The following IFT74 variants were observed in gnomAD, a reference collection of about 807,000 sequenced individuals.
IFT74 encodes the protein intraflagellar transport protein 74 homolog.
A neutral mutation model predicts 96.7 loss-of-function variants in IFT74; 92 were observed. The observed-to-expected ratio is 0.95, with a 90% CI of 0.80 to 1.13. IFT74 has a LOEUF of 1.13. Ranked by LOEUF, IFT74 falls within the 50% of genes most tolerant of loss-of-function variation. IFT74 has a pLI of 0.00. For missense variants in IFT74, 811 were observed against 698.2 expected, an observed-to-expected ratio of 1.16 and a Z score of -1.82; for synonymous variants, 223 against 213.2, an observed-to-expected ratio of 1.05 and a Z score of -0.40.
intron 12 of IFT74, among the ~76,000 whole-genome samples, chr9:27,022,388 G>T (rs1829651588): frequency 6.6e-6 from 1 of 151,930 alleles, no homozygotes; most frequent in African/African-American, 2.4e-5. Flanking sequence ...GGTGAAATGG[G>T]AATTGCATTG....
At chr9:27,048,963 C>T (rs148562704) in intron 16 of IFT74, among the ~76,000 whole-genome samples, 53 of 152,168 alleles carry the variant, frequency 3.5e-4, no homozygotes, top group African/African-American at 1.3e-3. Context: ...ATGTTTGGGT[C>T]ATGGGGGCGG....
chr9:26,991,299 C>T (rs1449165436), intron 8 of IFT74, among the ~76,000 whole-genome samples: 2 of 152,180 alleles, frequency 1.3e-5, no homozygotes, highest in Non-Finnish European at 2.9e-5. Context: ...TCATGGCTCA[C>T]TGCAGCCTTG....
chr9:26,999,325 T>TA (rs965634188), intron 8 of IFT74, among the ~76,000 whole-genome samples: 4 of 151,952 alleles, frequency 2.6e-5, no homozygotes, highest in African/African-American at 7.2e-5. Flanking sequence ...ATGTGCTTTT[T>TA]AAAAAAAAGT....
Position 27,061,904 on chromosome 9 carries a change from G to A in IFT74, c.1685-714G>A, listed in dbSNP as rs182041153. On this transcript the variant is annotated intron_variant, in intron 19 of 19. Transcript: ENST00000380062. ...TTTACTTTTAGTTTGATTACAGGAG[G>A]CAGCAAGCAGCTGTTGAGAACATGT... Among the ~76,000 whole-genome samples, 425 of 152,196 alleles carry A rather than the reference G, an allele frequency of 2.8e-3. 1 individual carries two copies. The highest frequency in any genetic ancestry group is 4.7e-3 in the Non-Finnish European group (320 of 68,008).
chr9:27,031,934 C>T (rs749630198), intron 13 of IFT74, among the ~76,000 whole-genome samples: 99 of 152,156 alleles, frequency 6.5e-4, no homozygotes, highest in Middle Eastern at 3.4e-3. Flanking sequence ...CTGATCTCAA[C>T]GTGCTTGGCT....
chr9:27,035,812 T>C (rs1230044403), intron 13 of IFT74, among the ~76,000 whole-genome samples: 1 of 152,234 alleles, frequency 6.6e-6, no homozygotes. Context: ...AAGTGCCTCC[T>C]GTCTTTAGAA....
intron 6 of IFT74, among the ~76,000 whole-genome samples, 176 bp downstream of exon 6, chr9:26,984,735 T>C (rs549478100): frequency 6.6e-6 from 1 of 152,206 alleles, no homozygotes; most frequent in African/African-American, 2.4e-5. Flanking sequence ...ATTAGGGAAA[T>C]GCAAATCAAA....
At chr9:26,953,547 T>C (rs1371877323), upstream of IFT74, among the ~76,000 whole-genome samples, 1 of 152,240 alleles carries the variant, frequency 6.6e-6, no homozygotes, top group African/African-American at 2.4e-5. Flanking sequence ...CTCCTACCAG[T>C]GTATCCAAAA....
intron 8 of IFT74, among the ~76,000 whole-genome samples, chr9:27,000,345 A>T (rs922647738): frequency 6.6e-6 from 1 of 152,218 alleles, no homozygotes; most frequent in Non-Finnish European, 1.5e-5. Context: ...AGGAAAACGT[A>T]TATTTATGCA....
At chr9:26,999,232 C>G (rs534700494) in intron 8 of IFT74, among the ~76,000 whole-genome samples, 1 of 151,988 alleles carries the variant, frequency 6.6e-6, no homozygotes, top group Non-Finnish European at 1.5e-5. Context: ...ATAAATAGAA[C>G]TAAGAATAGT....
At chr9:26,980,728 A>G in intron 4 of IFT74, 109 bp downstream of exon 4, 1 of 641,988 alleles carries the variant, frequency 1.6e-6, no homozygotes, top group Admixed American at 3.2e-5. Flanking sequence ...GGCACTTATT[A>G]GGATAATTAG....
chr9:26,967,111 A>AT (rs1232590384), intron 2 of IFT74, among the ~76,000 whole-genome samples: 126 of 142,232 alleles, frequency 8.9e-4, no homozygotes, highest in Admixed American at 2.2e-3. Context: ...AAATTTTAGG[A>AT]TTTTTTTTTC....
In IFT74 at chr9:27,030,420, T is replaced by G. The variant is rs113474834; in HGVS notation, c.1054+1316T>G. Among the ~76,000 whole-genome samples the G allele has an allele frequency of 4.6e-3, 696 of 151,844 alleles. 5 individuals are homozygous for G. Among genetic ancestry groups the G allele is most frequent in the African/African-American group, 0.016 (651 of 41,418 alleles). The stretch of plus-strand genomic sequence containing the variant: ...GTTTTAAATTTTTAGTAGTGGCGCA[T>G]GCCTGTAATCTCAGCTACTTGGGAG... On this transcript the variant is annotated intron_variant, in intron 13 of 19. Transcript: ENST00000380062.
chr9:26,948,897 A>G (rs1319114887), intron 1 of IFT74, among the ~76,000 whole-genome samples: 3 of 151,932 alleles, frequency 2.0e-5, no homozygotes, highest in Non-Finnish European at 2.9e-5. Flanking sequence ...CCCTGAACAC[A>G]TTATGCTGTA....
intron 16 of IFT74, among the ~76,000 whole-genome samples, chr9:27,050,547 GGT>G (rs532431748): frequency 6.6e-5 from 10 of 152,088 alleles, no homozygotes; most frequent in Non-Finnish European, 1.3e-4. Context: ...TCTTTATGCT[GGT>G]GTGTTGCAGC....
chr9:26,978,297 C>A, intron 3 of IFT74, 34 bp downstream of exon 3: 1 of 1,594,972 alleles, frequency 6.3e-7, no homozygotes. Flanking sequence ...ACACTTGGGC[C>A]TGTGTTTTGT....
rs544488948 is a variant in IFT74, at chr9:26,986,390, G to A, written c.465+1831G>A. On this transcript the variant is annotated intron_variant, in intron 6 of 19. Transcript: ENST00000380062. ...GAATGCAGTGGCTCAATCATGGCTCGCTGCAGCCTAGACTTTCTGAGCTCA... is the reference window on the plus strand; with the variant it reads ...GAATGCAGTGGCTCAATCATGGCTCACTGCAGCCTAGACTTTCTGAGCTCA... Among the ~76,000 whole-genome samples, 6 of 150,250 alleles carry A rather than the reference G, an allele frequency of 4.0e-5. No homozygotes were observed. The South Asian group carries it at 6.3e-4, about 16-fold the overall frequency.
At chr9:27,031,622 T>G (rs1341229559) in intron 13 of IFT74, among the ~76,000 whole-genome samples, 2 of 146,686 alleles carry the variant, frequency 1.4e-5, no homozygotes, top group African/African-American at 2.5e-5. Flanking sequence ...TTTAATGAGA[T>G]AGGGTCTTTC....
chr9:27,051,040 C>A (rs1426494071), intron 16 of IFT74, among the ~76,000 whole-genome samples: 1 of 152,140 alleles, frequency 6.6e-6, no homozygotes, highest in South Asian at 2.1e-4. Context: ...CCTAGTGTGA[C>A]TATTTATGCT....
Sources: allele counts gnomAD v4.1 joint callset (sites outside exome capture counted in the v4.1 genomes callset), GRCh38; gene constraint gnomAD v4.1.1; transcripts MANE v1.5; gene names NCBI Gene and HGNC (gene_info 2026-07-23, HGNC 2026-07-21).